The following NLRP1 variants were observed in gnomAD, a reference collection of about 807,000 sequenced individuals.
NLRP1 encodes NACHT, LRR and PYD domains-containing protein 1.
Under a neutral mutation model 136.7 loss-of-function variants are expected in NLRP1, and 94 were observed. That is an observed-to-expected ratio of 0.69 (90% CI 0.58 to 0.82). The LOEUF (loss-of-function observed/expected upper bound fraction) is 0.82, where lower values mean the gene tolerates loss of function less well. Ranked by LOEUF, NLRP1 falls within the 40% of genes least tolerant of loss-of-function variation. NLRP1 has a pLI of 0.00. For missense variants in NLRP1, 1,575 were observed against 1,802.7 expected (o/e 0.87, Z 2.29); for synonymous variants, 690 against 725.1 (o/e 0.95, Z 0.78).
In NLRP1 at chr17:5,515,464, G is replaced by A. The variant is rs1182256022; in HGVS notation, c.4102+9C>T. The A allele has an allele frequency of 6.8e-6, 11 of 1,610,878 alleles. No homozygotes were observed. In the East Asian group the frequency reaches 2.0e-4, roughly 29 times the overall value. ...CCGCCTCCTGTGGTCTCTGAGAGCTGTTACTGACCTATGCGGGCTGGAGGG... is the reference window on the plus strand; with the variant it reads ...CCGCCTCCTGTGGTCTCTGAGAGCTATTACTGACCTATGCGGGCTGGAGGG... On this transcript the variant is annotated intron_variant, in intron 16 of 16. Transcript: ENST00000572272.
At chr17:5,582,896 A>G (rs1417732001) in intron 1 of NLRP1, 50 bp from the exon 2 acceptor site, 2 of 1,472,544 alleles carry the variant, frequency 1.4e-6, no homozygotes. Flanking sequence ...GGGCAGGGGC[A>G]AGGTGCCAGG....
chr17:5,521,413 C>A, intron 13 of NLRP1, 111 bp downstream of exon 13: 2 of 1,151,618 alleles, frequency 1.7e-6, no homozygotes, highest in Non-Finnish European at 2.5e-6. Flanking sequence ...TTCTCCTGTA[C>A]AAGAGGCCCA....
intron 3 of NLRP1, among the ~76,000 whole-genome samples, chr17:5,577,923 T>C (rs1905182503): frequency 6.6e-6 from 1 of 151,992 alleles, no homozygotes; most frequent in Non-Finnish European, 1.5e-5. Context: ...TATAGACCAA[T>C]GGAACAGAAC....
Position 5,514,288 on chromosome 17 carries a change from A to G in NLRP1, c.*466T>C, listed in dbSNP as rs1907821170. 2.3e-6 allele frequency: 1 copy of G among 432,206 alleles called. No homozygotes were observed. Among genetic ancestry groups the G allele is most frequent in the Admixed American group, 5.8e-5 (1 of 17,242 alleles). The allele number at this position is 432,206 out of a possible 1,614,324, so 26.8% of individuals were successfully genotyped here. ...TGATACTCCTTTATTTTCTGAATAA[A>G]CTTCCTTCCACTTTACTCTGTTGGC... is the stretch of plus-strand genomic sequence containing the variant. On this transcript the variant is annotated 3_prime_UTR_variant, in exon 17 of 17. Transcript: ENST00000572272.
intron 3 of NLRP1, 109 bp downstream of exon 3, chr17:5,581,750 T>C: frequency 1.1e-6 from 1 of 918,056 alleles, no homozygotes; most frequent in Non-Finnish European, 1.8e-6. Flanking sequence ...ATTTCAGATG[T>C]TTTCCAGAAC....
In NLRP1 at chr17:5,574,262, G is replaced by A. The variant is rs185412666; in HGVS notation, c.652+7597C>T. ...GAAGAAGAGAAGTTTAGAGAAAAAA[G>A]AGTAAAAAGAAACGAACAAAGCCTC... On this transcript the variant is annotated intron_variant, in intron 3 of 16. Transcript: ENST00000572272. Among the ~76,000 whole-genome samples, 430 of 152,256 alleles carry A rather than the reference G, an allele frequency of 2.8e-3. 1 individual carries two copies. The highest frequency in any genetic ancestry group is 9.9e-3 in the African/African-American group (411 of 41,552).
intron 13 of NLRP1, 45 bp downstream of exon 13, chr17:5,521,479 A>T: frequency 1.3e-6 from 2 of 1,586,700 alleles, no homozygotes; most frequent in Non-Finnish European, 8.6e-7. Context: ...TTTTGTGTTT[A>T]CCGTCAACCC....
Position 5,514,338 on chromosome 17 carries a change from A to T in NLRP1, c.*416T>A. On this transcript the variant is annotated 3_prime_UTR_variant, in exon 17 of 17. Transcript: ENST00000572272. ...CTTGCTCTTGTAGATCTTCCTGTAC[A>T]AAGCCAAGAATCCACGTGGCCTCCC... 3.1e-6 allele frequency: 3 copies of T among 956,362 alleles called. No individual in the cohort carries two copies. Among genetic ancestry groups the T allele is most frequent in the Non-Finnish European group, 3.8e-6 (3 of 785,280 alleles). 59.2% of individuals were successfully genotyped at this position (956,362 alleles called of 1,614,324 possible). A position where few individuals can be genotyped will look rare whatever the true frequency, so the allele number is the denominator to read the frequency against.
chr17:5,513,298 C>T (rs552938215), downstream of NLRP1, among the ~76,000 whole-genome samples: 216 of 152,140 alleles, frequency 1.4e-3, 1 homozygote, highest in Non-Finnish European at 2.0e-3. Context: ...GTCTATGTTG[C>T]CCGGGCTAGT....
At chr17:5,528,754 A>C (rs1174387826) in intron 12 of NLRP1, among the ~76,000 whole-genome samples, 1 of 152,210 alleles carries the variant, frequency 6.6e-6, no homozygotes, top group African/African-American at 2.4e-5. Context: ...ACATTGAACT[A>C]CTGGGATGAT....
rs1914454152 is a variant in NLRP1, at chr17:5,559,228, A to C, written c.1468T>G (p.Phe490Val). Residue 490 changes from phenylalanine (F) to valine (V), a missense_variant, in exon 4 of 17, where the codon TTC (phenylalanine) becomes GTC (valine). Coordinates refer to ENST00000572272, the MANE Select transcript of NLRP1 (RefSeq NM_033004.4). ...CTTTCATCTGTGAAATATCTGTAGA[A>C]ATATTCCTTCCTGCTGGACTCAGAG... ...GFSESSRKEY[F>V]YRYFTDERQA... is the part of the protein sequence containing the mutation. The C allele has an allele frequency of 3.1e-6, 5 of 1,614,160 alleles. No individual in the cohort carries two copies. Among genetic ancestry groups the C allele is most frequent in the Middle Eastern group, 1.6e-4 (1 of 6,062 alleles).
At chr17:5,522,504 A>T (rs559699934) in intron 12 of NLRP1, among the ~76,000 whole-genome samples, 11 of 152,340 alleles carry the variant, frequency 7.2e-5, no homozygotes, top group African/African-American at 2.4e-4. Flanking sequence ...AGGCTCCAGA[A>T]CTGTGAGAAA....
At chr17:5,508,515 A>G (rs113228929) in intron 15 of NLRP1, among the ~76,000 whole-genome samples, 5,162 of 134,228 alleles carry the variant, frequency 0.038, 131 homozygotes, top group East Asian at 0.15. Context: ...ACTATCCCTT[A>G]GTATTGACTT....
chr17:5,541,932 T>C lies in NLRP1; in HGVS notation c.2624A>G (p.Asn875Ser), dbSNP rs202218652. Reference protein sequence around the residue: ...QTLTELDLSFNVLTDAGAKHL... With the variant: ...QTLTELDLSFSVLTDAGAKHL... ...TTTGGCTCCAGCATCCGTGAGCACA[T>C]TGAAGCTCAGGTCCAGCTCGGTCAG... is the stretch of plus-strand genomic sequence containing the variant. The change falls in exon 6 of 17, where the codon AAT (asparagine) becomes AGT (serine). Residue 875 changes from asparagine to serine, a missense_variant. Physicochemically the swap from Asn to Ser is conservative, Grantham distance 46 (BLOSUM62 1). Coordinates refer to ENST00000572272, the MANE Select transcript of NLRP1 (RefSeq NM_033004.4). This position sits in a 1 kb window ranked among gnomAD's most constrained non-coding sequence, Gnocchi z 4.2. 3.8e-5 allele frequency: 61 copies of C among 1,613,928 alleles called. No individual in the cohort carries two copies. In the Middle Eastern group the frequency reaches 4.9e-4, roughly 13 times the overall value.
intron 3 of NLRP1, among the ~76,000 whole-genome samples, chr17:5,574,885 C>T (rs1183020824): frequency 2.0e-5 from 3 of 151,924 alleles, no homozygotes; most frequent in Admixed American, 6.6e-5. Context: ...AGGACGGTCT[C>T]GATCTCCTGA....
chr17:5,548,068 G>A (rs1912901632), intron 5 of NLRP1, among the ~76,000 whole-genome samples: 2 of 152,134 alleles, frequency 1.3e-5, no homozygotes, highest in Non-Finnish European at 1.5e-5. Context: ...CTGTGCAACA[G>A]GGTAGGTGGC....
chr17:5,568,646 C>T (rs901476708), intron 3 of NLRP1, among the ~76,000 whole-genome samples: 18 of 152,204 alleles, frequency 1.2e-4, no homozygotes, highest in Non-Finnish European at 2.1e-4. Flanking sequence ...AAGAGTTGAG[C>T]ATTTATTGTA....
At chr17:5,564,735 T>G (rs927255845) in intron 3 of NLRP1, among the ~76,000 whole-genome samples, 6 of 16,638 alleles carry the variant, frequency 3.6e-4, no homozygotes, top group Admixed American at 6.5e-4. Context: ...ATTTTTAGTG[T>G]TTTTTTTTTT....
At chr17:5,553,057 G>A (rs1913570891) in intron 5 of NLRP1, among the ~76,000 whole-genome samples, 1 of 152,176 alleles carries the variant, frequency 6.6e-6, no homozygotes, top group South Asian at 2.1e-4. Flanking sequence ...ACACTGGCCT[G>A]CTTTCAGTTT....
Sources: allele counts gnomAD v4.1 joint callset (sites outside exome capture counted in the v4.1 genomes callset), GRCh38; gene constraint gnomAD v4.1.1; non-coding constraint Gnocchi (gnomAD v3.1); transcripts MANE v1.5; gene names NCBI Gene and HGNC (gene_info 2026-07-23, HGNC 2026-07-21).